KIF16B: variants seen among roughly 807,000 people sequenced by gnomAD.
KIF16B encodes kinesin family member 16B, also known as kinesin-like protein KIF16B.
In KIF16B, 98 loss-of-function variants were observed where a neutral mutation model predicts 156.3. The ratio of observed to expected loss-of-function variants is 0.63; its 90% CI spans 0.53 to 0.74. The LOEUF is 0.74. Ranked by LOEUF, KIF16B falls within the 30% of genes least tolerant of loss-of-function variation. KIF16B has a pLI of 0.00. For synonymous variants in KIF16B, 564 were observed against 583.7 expected, an observed-to-expected ratio of 0.97 and a Z score of 0.49; for missense variants, 1,421 against 1,606.5, an observed-to-expected ratio of 0.88 and a Z score of 1.97.
intron 25 of KIF16B, among the ~76,000 whole-genome samples, chr20:16,307,490 G>T (rs950056896): frequency 6.6e-6 from 1 of 152,172 alleles, no homozygotes; most frequent in South Asian, 2.1e-4. Flanking sequence ...CAGCAGGGAA[G>T]ATGTGAGACA....
intron 25 of KIF16B, among the ~76,000 whole-genome samples, chr20:16,282,418 A>C (rs1280564153): frequency 6.6e-6 from 1 of 152,042 alleles, no homozygotes; most frequent in Non-Finnish European, 1.5e-5. Context: ...TAGGTAAAGG[A>C]GTAATTACAA....
intron 22 of KIF16B, chr20:16,368,126 T>G (rs1424251239): frequency 8.2e-7 from 1 of 1,212,528 alleles, no homozygotes; most frequent in Admixed American, 4.1e-5. Context: ...AGAGAACAAG[T>G]CACATGCCTA....
intron 17 of KIF16B, among the ~76,000 whole-genome samples, chr20:16,395,613 G>A (rs775290730): frequency 1.3e-4 from 20 of 152,114 alleles, no homozygotes; most frequent in Non-Finnish European, 2.2e-4. Context: ...CCAGGAAGGC[G>A]GATGCTAATC....
chr20:16,422,479 G>C (rs2146385280), intron 15 of KIF16B, among the ~76,000 whole-genome samples: 1 of 152,186 alleles, frequency 6.6e-6, no homozygotes, highest in South Asian at 2.1e-4. Flanking sequence ...ATGGGTGGTG[G>C]GAGCTCCAGG....
chr20:16,404,961 G>A lies in KIF16B; in HGVS notation c.1696-60C>T, dbSNP rs2065745293. 6 of 1,179,080 alleles carry A rather than the reference G, an allele frequency of 5.1e-6. No individual in the cohort carries two copies. The Admixed American group carries it at 5.4e-5, about 11-fold the overall frequency. The allele number at this position is 1,179,080 out of a possible 1,614,324, so 73.0% of individuals were successfully genotyped here. On this transcript the variant is annotated intron_variant, in intron 16 of 25. Coordinates refer to ENST00000354981, the MANE Select transcript of KIF16B (RefSeq NM_024704.5). Reference sequence around the variant, plus strand: ...GCAGAGAAGAAAAGGCCACTGCTCTGGACTCATTGCTTCCAACATGTGAGA... The same window carrying A: ...GCAGAGAAGAAAAGGCCACTGCTCTAGACTCATTGCTTCCAACATGTGAGA...
chr20:16,375,411 G>A (rs2064923461), intron 19 of KIF16B, among the ~76,000 whole-genome samples: 1 of 152,178 alleles, frequency 6.6e-6, no homozygotes, highest in Non-Finnish European at 1.5e-5. Flanking sequence ...CAATTTGACT[G>A]CTCTATCTTG....
At chr20:16,447,419 T>A (rs2066964137) in intron 12 of KIF16B, among the ~76,000 whole-genome samples, 1 of 152,030 alleles carries the variant, frequency 6.6e-6, no homozygotes, top group Non-Finnish European at 1.5e-5. Context: ...GAGGATGACC[T>A]GCAACGTCAC....
In KIF16B at chr20:16,379,500, G is replaced by A. The variant is rs750745807; in HGVS notation, c.2502C>T (p.Val834=). The change falls in exon 19 of 26, where the codon GTC becomes GTT. Residue 834 remains valine (V), a synonymous_variant. Transcript: ENST00000354981. ...RFFEFKRRQL[V]KLVNLEKDLV... is the part of the protein sequence containing the mutation. ...GGTCCTTCTCCAAGTTCACTAGCTT[G>A]ACAAGCTGCCTTCTCTTGAATTCGA... The A allele has an allele frequency of 1.2e-6, 2 of 1,614,106 alleles. No individual in the cohort carries two copies. Among genetic ancestry groups the A allele is most frequent in the Non-Finnish European group, 1.7e-6 (2 of 1,180,008 alleles).
At chr20:16,424,049 C>G (rs1026685627) in intron 15 of KIF16B, among the ~76,000 whole-genome samples, 25 of 152,034 alleles carry the variant, frequency 1.6e-4, no homozygotes, top group Non-Finnish European at 2.9e-4. Context: ...TGGAAATAAC[C>G]TGCCCCTCCA....
At position 16,436,151 on chromosome 20, in the gene KIF16B, G is replaced by A. The variant is rs73898745; in HGVS notation, c.1303-6169C>T. On this transcript the variant is annotated intron_variant, in intron 12 of 25. Transcript: ENST00000354981. ...AATTGTTCTACATTTTTTTCATCTC[G>A]TATATGCTTAGGCGTATCTGTGCAA... Among the ~76,000 whole-genome samples the A allele has an allele frequency of 4.2e-3, 632 of 151,806 alleles. 3 individuals carry two copies. The highest frequency in any genetic ancestry group is 0.024 in the Middle Eastern group (7 of 294).
intron 17 of KIF16B, among the ~76,000 whole-genome samples, chr20:16,385,288 G>A (rs113465269): frequency 9.9e-4 from 151 of 152,106 alleles, no homozygotes; most frequent in African/African-American, 3.2e-3. Flanking sequence ...ATAAAGAAGT[G>A]AAGCTCTCTC....
intron 12 of KIF16B, among the ~76,000 whole-genome samples, chr20:16,483,168 G>A (rs928211283): frequency 6.6e-6 from 1 of 152,168 alleles, no homozygotes; most frequent in African/African-American, 2.4e-5. Context: ...TTTGCATTCT[G>A]AGGGTAGACA....
intron 22 of KIF16B, among the ~76,000 whole-genome samples, chr20:16,361,157 T>C (rs969488013): frequency 4.6e-5 from 7 of 152,200 alleles, no homozygotes; most frequent in Admixed American, 2.6e-4. Flanking sequence ...CCATAGCACA[T>C]ATTTCTAATC....
At chr20:16,487,931 A>T (rs558645695) in intron 12 of KIF16B, among the ~76,000 whole-genome samples, 14 of 152,202 alleles carry the variant, frequency 9.2e-5, no homozygotes, top group Non-Finnish European at 1.6e-4. Flanking sequence ...GACACCAAAT[A>T]ATTCCACATA....
intron 23 of KIF16B, among the ~76,000 whole-genome samples, chr20:16,338,201 A>G (rs1267792610): frequency 6.6e-6 from 1 of 152,086 alleles, no homozygotes; most frequent in South Asian, 2.1e-4. Context: ...TTCCGTGGCA[A>G]TGCTCTCCAG....
rs1187074562 is a variant in KIF16B at position 16,379,949 on chromosome 20, T to G, written c.2053A>C (p.Arg685=). 2.5e-6 allele frequency: 4 copies of G among 1,613,978 alleles called. No homozygotes were observed. The highest frequency in any genetic ancestry group is 2.7e-5 in the African/African-American group (2 of 74,900). ...EKEKFEEERL[R]EQQEIELQKK... is the part of the protein sequence containing the mutation. Reference sequence around the variant, plus strand: ...TGCAGCTCGATTTCCTGCTGTTCCCTCAGCCTCTCCTCTTCAAATTTTTCC... The same window carrying G: ...TGCAGCTCGATTTCCTGCTGTTCCCGCAGCCTCTCCTCTTCAAATTTTTCC... The change falls in exon 19 of 26, where the codon AGG becomes CGG. Residue 685 remains arginine (R), a synonymous_variant. Coordinates refer to ENST00000354981, the MANE Select transcript of KIF16B (RefSeq NM_024704.5).
At chr20:16,274,417 C>T (rs557173942) in intron 25 of KIF16B, among the ~76,000 whole-genome samples, 1 of 152,184 alleles carries the variant, frequency 6.6e-6, no homozygotes, top group South Asian at 2.1e-4. Context: ...GATGTGGGAG[C>T]TGGAGGGATG....
At position 16,336,027 on chromosome 20, in the gene KIF16B, G is replaced by T; in HGVS notation, c.3622-12C>A. ...TCTAGGACAGTAATCTATTAACCAG[G>T]AAAACCAAAATGAATAAGCATTAAG... On this transcript the variant is annotated splice_polypyrimidine_tract_variant and intron_variant, in intron 23 of 25. Transcript: ENST00000354981. 1 of 1,524,086 alleles carries T rather than the reference G, an allele frequency of 6.6e-7. No individual in the cohort carries two copies. The allele number at this position is 1,524,086 out of a possible 1,614,324, so 94.4% of individuals were successfully genotyped here.
chr20:16,434,150 T>G lies in KIF16B; in HGVS notation c.1303-4168A>C, dbSNP rs111774051. On this transcript the variant is annotated intron_variant, in intron 12 of 25. Transcript: ENST00000354981. ...TCCTGTTCACAACATTTACAAATGA[T>G]ATGCTCCATATGTTTTTCTTCAACC... Among the ~76,000 whole-genome samples the G allele has an allele frequency of 9.0e-4, 137 of 152,354 alleles. 2 individuals carry two copies. Among genetic ancestry groups the G allele is most frequent in the African/African-American group, 2.5e-3 (102 of 41,578 alleles).
Sources: allele counts gnomAD v4.1 joint callset (sites outside exome capture counted in the v4.1 genomes callset), GRCh38; gene constraint gnomAD v4.1.1; transcripts MANE v1.5; gene names NCBI Gene and HGNC (gene_info 2026-07-23, HGNC 2026-07-21).